Variants in KIAA0825 observed in about 807,000 individuals in gnomAD.
KIAA0825 encodes the protein uncharacterized protein KIAA0825.
Under a neutral mutation model 147.6 loss-of-function variants are expected in KIAA0825, and 119 were observed. The ratio of observed to expected loss-of-function variants is 0.81; its 90% CI spans 0.69 to 0.94. The LOEUF is 0.94. Ranked by LOEUF, KIAA0825 falls within the 40% of genes least tolerant of loss-of-function variation. The probability of loss-of-function intolerance (pLI) is 0.00; values close to 1 mark genes in which losing one functional copy is unlikely to be tolerated. For synonymous variants in KIAA0825, 470 were observed against 518.1 expected (o/e 0.91, Z 1.26); for missense variants, 1,381 against 1,472.7 (o/e 0.94, Z 1.02).
At chr5:94,618,376 T>G (rs1791163714) in intron 1 of KIAA0825, 124 bp downstream of exon 1, 1 of 152,818 alleles carries the variant, frequency 6.5e-6, no homozygotes, top group Non-Finnish European at 1.5e-5. Flanking sequence ...GCCACGGGGT[T>G]TGATGGGGAC....
intron 20 of KIAA0825, among the ~76,000 whole-genome samples, chr5:94,340,770 T>A (rs1782289755): frequency 6.6e-6 from 1 of 152,110 alleles, no homozygotes; most frequent in Non-Finnish European, 1.5e-5. Context: ...AGCATAAACA[T>A]CAGTTGAGCT....
chr5:94,348,216 G>A (rs561915516), intron 20 of KIAA0825, among the ~76,000 whole-genome samples: 27 of 152,226 alleles, frequency 1.8e-4, no homozygotes, highest in Middle Eastern at 3.4e-3. Context: ...TTTGGAAAAC[G>A]TATTTCGGGA....
intron 10 of KIAA0825, among the ~76,000 whole-genome samples, chr5:94,466,515 C>T (rs148936208): frequency 6.6e-6 from 1 of 151,946 alleles, no homozygotes; most frequent in Admixed American, 6.6e-5. Flanking sequence ...GTCAGGAGAT[C>T]GAGACCATCA....
intron 14 of KIAA0825, among the ~76,000 whole-genome samples, chr5:94,418,637 T>G (rs1753784658): frequency 6.6e-6 from 1 of 152,140 alleles, no homozygotes. Context: ...TTTAGGATTT[T>G]TGCTAGAATT....
chr5:94,159,363 C>T (rs1016511056), intron 20 of KIAA0825, among the ~76,000 whole-genome samples: 1 of 152,104 alleles, frequency 6.6e-6, no homozygotes, highest in African/African-American at 2.4e-5. Context: ...TAGTGGTATA[C>T]ATCTCAATGC....
At chr5:94,469,823 T>G (rs1347982874) in intron 10 of KIAA0825, 138 bp downstream of exon 10, 9 of 649,982 alleles carry the variant, frequency 1.4e-5, no homozygotes, top group Non-Finnish European at 2.2e-5. Flanking sequence ...TAAGTATGAA[T>G]TCAATATTTT....
chr5:94,252,773 C>G (rs2150123349), intron 20 of KIAA0825, among the ~76,000 whole-genome samples: 1 of 152,054 alleles, frequency 6.6e-6, no homozygotes, highest in East Asian at 1.9e-4. Context: ...GAAAGAAATA[C>G]TCTTGAATGC....
At chr5:94,499,753 T>TA (rs1310772760) in intron 5 of KIAA0825, among the ~76,000 whole-genome samples, 1 of 152,166 alleles carries the variant, frequency 6.6e-6, no homozygotes, top group African/African-American at 2.4e-5. Flanking sequence ...ATGGTTCAGT[T>TA]AAGAAGATAC....
chr5:94,260,421 A>C (rs1422369235), intron 20 of KIAA0825, among the ~76,000 whole-genome samples: 1 of 152,184 alleles, frequency 6.6e-6, no homozygotes. Flanking sequence ...TTCTTACATA[A>C]AACAGGTTCC....
intron 20 of KIAA0825, among the ~76,000 whole-genome samples, chr5:94,235,686 T>C (rs1775002820): frequency 6.6e-6 from 1 of 152,226 alleles, no homozygotes; most frequent in Non-Finnish European, 1.5e-5. Flanking sequence ...GTGAGGTCAA[T>C]GTCTTGCTCC....
chr5:94,526,952 T>A (rs1769412399), intron 3 of KIAA0825, among the ~76,000 whole-genome samples: 2 of 151,948 alleles, frequency 1.3e-5, no homozygotes, highest in African/African-American at 4.8e-5. Flanking sequence ...GTAAAAAGGT[T>A]TTTCCTTGTA....
chr5:94,583,647 T>G (rs1782674092), intron 1 of KIAA0825, among the ~76,000 whole-genome samples: 1 of 152,204 alleles, frequency 6.6e-6, no homozygotes, highest in Non-Finnish European at 1.5e-5. Context: ...TAAACGTCCC[T>G]GCCTGACAGC....
chr5:94,330,944 G>A (rs1781202683), intron 20 of KIAA0825, among the ~76,000 whole-genome samples: 1 of 151,916 alleles, frequency 6.6e-6, no homozygotes, highest in East Asian at 1.9e-4. Flanking sequence ...AGAACACCCT[G>A]GCCAACATTG....
At position 94,484,934 on chromosome 5, in the gene KIAA0825, T is replaced by C. The variant is rs1344913575; in HGVS notation, c.971-4A>G. 2.7e-6 allele frequency: 4 copies of C among 1,476,728 alleles called. No individual in the cohort carries two copies. Among genetic ancestry groups the C allele is most frequent in the Non-Finnish European group, 3.6e-6 (4 of 1,100,914 alleles). 91.5% of individuals were successfully genotyped at this position (1,476,728 alleles called of 1,614,324 possible). A position where few individuals can be genotyped will look rare whatever the true frequency, so the allele number is the denominator to read the frequency against. On this transcript the variant is annotated splice_polypyrimidine_tract_variant and splice_region_variant and intron_variant, in intron 5 of 20. Transcript: ENST00000682413. ...TTCTGTGGGCATTCAGTAGTAACTG[T>C]GAAAAGAAAAGATCAATACTGTCAT...
chr5:94,303,070 C>T (rs1359612037), intron 20 of KIAA0825, among the ~76,000 whole-genome samples: 1 of 151,888 alleles, frequency 6.6e-6, no homozygotes, highest in African/African-American at 2.4e-5. Flanking sequence ...TGCATATACA[C>T]ATATTTGCTA....
In KIAA0825 at chr5:94,524,779, A is replaced by G. The variant is rs532118179; in HGVS notation, c.132-681T>C. 3.0e-4 allele frequency among the ~76,000 whole-genome samples: 46 copies of G among 151,980 alleles called. 1 individual carries two copies. Among genetic ancestry groups the G allele is most frequent in the Non-Finnish European group, 5.5e-4 (37 of 67,766 alleles). On this transcript the variant is annotated intron_variant, in intron 3 of 20. Coordinates refer to ENST00000682413, the MANE Select transcript of KIAA0825 (RefSeq NM_001145678.3). ...ACTTTTCCATATTTTCTAAATATTT[A>G]TAAGGCATAAAATAAAATGCTTCAT...
intron 15 of KIAA0825, among the ~76,000 whole-genome samples, chr5:94,404,549 C>T (rs574962727): frequency 2.0e-5 from 3 of 151,880 alleles, no homozygotes; most frequent in Admixed American, 1.3e-4. Context: ...ATGTTAGAGC[C>T]GGTTCCTAGA....
chr5:94,563,009 T>C (rs1262691801), intron 2 of KIAA0825, among the ~76,000 whole-genome samples: 1 of 152,140 alleles, frequency 6.6e-6, no homozygotes, highest in African/African-American at 2.4e-5. Context: ...TAGACACTAT[T>C]GAGAAACAGG....
chr5:94,247,403 G>A (rs189925486), intron 20 of KIAA0825, among the ~76,000 whole-genome samples: 257 of 152,178 alleles, frequency 1.7e-3, no homozygotes, highest in African/African-American at 5.6e-3. Flanking sequence ...ATTCAGGAAG[G>A]AGGATCCTGG....
Sources: gnomAD v4.1 joint callset for allele counts (sites outside exome capture counted in the v4.1 genomes callset) on GRCh38, gnomAD v4.1.1 for gene constraint, MANE v1.5 for transcripts, NCBI Gene and HGNC (gene_info 2026-07-23, HGNC 2026-07-21) for gene names.